ZFX: variants seen among roughly 807,000 people sequenced by gnomAD.
ZFX encodes the protein zinc finger protein X-linked.
For missense variants in ZFX, 362 were observed against 628.3 expected, an observed-to-expected ratio of 0.58 and a Z score of 4.53; for synonymous variants, 196 against 226.8, an observed-to-expected ratio of 0.86 and a Z score of 1.22.
chrX:24,184,331 C>T (rs371229266), intron 5 of ZFX, among the ~76,000 whole-genome samples: 25 of 111,408 alleles, frequency 2.2e-4, no homozygotes, highest in African/African-American at 6.8e-4. Flanking sequence ...AAAGCACTCT[C>T]GCTTCTCCTT....
At chrX:24,160,450 C>A (rs2520332) in intron 3 of ZFX, among the ~76,000 whole-genome samples, 1 of 109,783 alleles carries the variant, frequency 9.1e-6, no homozygotes, top group South Asian at 3.9e-4. Flanking sequence ...AGACGTGCAC[C>A]AGCACACCTG....
chrX:24,207,410 A>T lies in ZFX; in HGVS notation c.731A>T (p.Asp244Val). Residue 244 changes from aspartate to valine, a missense_variant, in exon 6 of 10, where the codon GAT (aspartate) becomes GTT (valine). Asp to Val is a radical substitution (Grantham distance 152). Transcript: ENST00000304543. ...TESEIDPCKV[D>V]GTCPEVIKVY... is the part of the protein sequence containing the mutation. ...TCGGAAATTGATCCTTGTAAAGTGG[A>T]TGGCACTTGCCCTGAGGTCATCAAG... 8.3e-7 allele frequency: 1 copy of T among 1,210,785 alleles called. No individual in the cohort carries two copies. Among genetic ancestry groups the T allele is most frequent in the East Asian group, 3.0e-5 (1 of 33,834 alleles).
At chrX:24,188,900 C>T (rs1051168317) in intron 5 of ZFX, among the ~76,000 whole-genome samples, 9 of 111,221 alleles carry the variant, frequency 8.1e-5, no homozygotes, top group African/African-American at 1.6e-4. Context: ...TGCAGTGGTG[C>T]GATCTCTGCT....
At position 24,212,994 on chromosome X, in the gene ZFX, G is replaced by C. The variant is rs1938206577; in HGVS notation, c.*1618G>C. 1.8e-5 allele frequency: 2 copies of C among 110,173 alleles called. No individual in the cohort carries two copies. Among genetic ancestry groups the C allele is most frequent in the Middle Eastern group, 4.7e-3 (1 of 214 alleles). 9.1% of individuals were successfully genotyped at this position (110,173 alleles called of 1,213,427 possible). A position where few individuals can be genotyped will look rare whatever the true frequency, so the allele number is the denominator to read the frequency against. ...ACCTCTGCAGCTCACTGCAACCTCTGCTTCCTGGGTTCAAGCAATTATCTG... is the reference window on the plus strand; with the variant it reads ...ACCTCTGCAGCTCACTGCAACCTCTCCTTCCTGGGTTCAAGCAATTATCTG... On this transcript the variant is annotated 3_prime_UTR_variant, in exon 10 of 10. Coordinates refer to ENST00000304543, the MANE Select transcript of ZFX (RefSeq NM_003410.4).
intron 3 of ZFX, among the ~76,000 whole-genome samples, chrX:24,157,369 CT>C (rs762314942): frequency 2.7e-5 from 3 of 112,047 alleles, no homozygotes; most frequent in South Asian, 7.4e-4. Flanking sequence ...CTGAGGTACA[CT>C]TTTCCCCCCT....
intron 5 of ZFX, among the ~76,000 whole-genome samples, chrX:24,186,046 T>A (rs1372159843): frequency 9.0e-6 from 1 of 111,537 alleles, no homozygotes; most frequent in Admixed American, 9.5e-5. Context: ...ATGGGCTGAT[T>A]TAATCCATGA....
intron 3 of ZFX, among the ~76,000 whole-genome samples, chrX:24,165,268 G>A (rs763386307): frequency 7.1e-5 from 8 of 112,110 alleles, no homozygotes; most frequent in African/African-American, 1.6e-4. Context: ...CTACAGGCAC[G>A]TGCCACCACG....
intron 4 of ZFX, chrX:24,173,492 C>T: frequency 3.0e-6 from 3 of 1,008,609 alleles, no homozygotes; most frequent in Non-Finnish European, 3.8e-6. Flanking sequence ...TCAGGAAGTT[C>T]TAAAAATAGG....
In ZFX at chrX:24,211,636, C is replaced by T. The variant is rs10126378; in HGVS notation, c.*260C>T. On this transcript the variant is annotated 3_prime_UTR_variant, in exon 10 of 10. Coordinates refer to ENST00000304543, the MANE Select transcript of ZFX (RefSeq NM_003410.4). ...AATAAAGTAATCCCTGATTCTATAC[C>T]GAAGTTTTATATCTTAGAATTTTAT... 29,871 of 319,903 alleles carry T rather than the reference C, an allele frequency of 0.093. 1,093 individuals carry two copies. The highest frequency in any genetic ancestry group is 0.15 in the Middle Eastern group (166 of 1,120). 26.4% of individuals were successfully genotyped at this position (319,903 alleles called of 1,213,427 possible). A position where few individuals can be genotyped will look rare whatever the true frequency, so the allele number is the denominator to read the frequency against.
intron 5 of ZFX, among the ~76,000 whole-genome samples, chrX:24,195,221 G>C (rs1936824242): frequency 1.8e-5 from 2 of 110,123 alleles, no homozygotes; most frequent in South Asian, 7.8e-4. Flanking sequence ...TTGAGACGGT[G>C]TCTCGTTCTG....
At chrX:24,151,204 A>G (rs1246566661) in intron 1 of ZFX, among the ~76,000 whole-genome samples, 2 of 112,343 alleles carry the variant, frequency 1.8e-5, no homozygotes, top group African/African-American at 6.5e-5. Context: ...ATGCTAAGAA[A>G]CATTAAAAAG....
At chrX:24,151,135 C>T (rs1195533706) in intron 1 of ZFX, among the ~76,000 whole-genome samples, 1 of 112,194 alleles carries the variant, frequency 8.9e-6, no homozygotes, top group Admixed American at 9.4e-5. Flanking sequence ...TTTTTGATTG[C>T]ACACTGTGCA....
Position 24,214,935 on chromosome X carries a change from A to G in ZFX, c.*3559A>G, listed in dbSNP as rs2148101562. 1 of 111,881 alleles carries G rather than the reference A, an allele frequency of 8.9e-6. No individual in the cohort carries two copies. The highest frequency in any genetic ancestry group is 3.7e-4 in the South Asian group (1 of 2,695). The allele number at this position is 111,881 out of a possible 1,213,427, so 9.2% of individuals were successfully genotyped here. On this transcript the variant is annotated 3_prime_UTR_variant, in exon 10 of 10. Transcript: ENST00000304543. Reference sequence around the variant, plus strand: ...GATGCTAACATACTAGGGAATGGTCATTGCCACAGTTAAAAATCGGCAGTT... The same window carrying G: ...GATGCTAACATACTAGGGAATGGTCGTTGCCACAGTTAAAAATCGGCAGTT...
At chrX:24,165,365 A>G (rs756469600) in intron 3 of ZFX, among the ~76,000 whole-genome samples, 7 of 112,307 alleles carry the variant, frequency 6.2e-5, no homozygotes, top group Non-Finnish European at 1.1e-4. Context: ...GTGATCCGCC[A>G]GCCTCGGCCT....
chrX:24,182,487 A>G lies in ZFX; in HGVS notation c.646+2717A>G, dbSNP rs770325019. 2.7e-5 allele frequency among the ~76,000 whole-genome samples: 3 copies of G among 111,776 alleles called. No individual in the cohort carries two copies. In the South Asian group the frequency reaches 1.1e-3, roughly 42 times the overall value. ...CAACACTGTTAAGGATAGAGTTTCTACAAGTTATCAGCCACTGAGGAGAAA... is the reference window on the plus strand; with the variant it reads ...CAACACTGTTAAGGATAGAGTTTCTGCAAGTTATCAGCCACTGAGGAGAAA... On this transcript the variant is annotated intron_variant, in intron 5 of 9. Transcript: ENST00000304543.
rs994563057 is a variant in ZFX at position 24,215,530 on chromosome X, C to G, written c.*4154C>G. 1 of 111,741 alleles carries G rather than the reference C, an allele frequency of 8.9e-6. No homozygotes were observed. Among genetic ancestry groups the G allele is most frequent in the Non-Finnish European group, 1.9e-5 (1 of 53,175 alleles). The allele number at this position is 111,741 out of a possible 1,213,427, so 9.2% of individuals were successfully genotyped here. On this transcript the variant is annotated 3_prime_UTR_variant, in exon 10 of 10. Transcript: ENST00000304543. ...CAAGTGATTCTGATGCCTGTTCAAA[C>G]TTGGGAAACACTTTTAGAGCACTTG...
chrX:24,155,323 A>T (rs1199552938), intron 3 of ZFX, among the ~76,000 whole-genome samples: 6 of 111,825 alleles, frequency 5.4e-5, no homozygotes, highest in Non-Finnish European at 1.9e-5. Context: ...TTTTATTGTG[A>T]TCCTTAATTT....
intron 5 of ZFX, among the ~76,000 whole-genome samples, chrX:24,180,394 T>C (rs1001902213): frequency 2.7e-5 from 3 of 109,375 alleles, no homozygotes; most frequent in Non-Finnish European, 3.8e-5. Flanking sequence ...TTTTTTTTTT[T>C]TTTCGGAGGG....
In ZFX at chrX:24,179,750, A is replaced by G. The variant is rs199950253; in HGVS notation, c.626A>G (p.Glu209Gly). 6 of 1,206,050 alleles carry G rather than the reference A, an allele frequency of 5.0e-6. No homozygotes were observed. Among genetic ancestry groups the G allele is most frequent in the Non-Finnish European group, 6.7e-6 (6 of 894,168 alleles). Reference sequence around the variant, plus strand: ...CAGGATGATGACAAAGGCAACTGTGAGGACTACCTTATGATTTCCTGTAAG... The same window carrying G: ...CAGGATGATGACAAAGGCAACTGTGGGGACTACCTTATGATTTCCTGTAAG... ...DQQDDDKGNCEDYLMISLDDA... is the reference protein window; with the variant it reads ...DQQDDDKGNCGDYLMISLDDA... Residue 209 changes from glutamate to glycine, a missense_variant, in exon 5 of 10, where the codon GAG (glutamate) becomes GGG (glycine). Coordinates refer to ENST00000304543, the MANE Select transcript of ZFX (RefSeq NM_003410.4).
Sources: gnomAD v4.1 joint callset for allele counts (sites outside exome capture counted in the v4.1 genomes callset) on GRCh38, gnomAD v4.1.1 for gene constraint, MANE v1.5 for transcripts, NCBI Gene and HGNC (gene_info 2026-07-23, HGNC 2026-07-21) for gene names.